ABR: variants seen among roughly 807,000 people sequenced by gnomAD.
The protein encoded by ABR is active breakpoint cluster region-related protein.
Under a neutral mutation model 107.2 loss-of-function variants are expected in ABR, and 35 were observed. The ratio of observed to expected loss-of-function variants is 0.33; its 90% CI spans 0.25 to 0.43. The LOEUF is 0.43. Among genes scored for constraint, ABR ranks in the 20% least tolerant of loss-of-function variants. ABR has a pLI of 1.00. For synonymous variants in ABR, 498 were observed against 462.0 expected (o/e 1.08, Z -1.00); for missense variants, 815 against 1,115.2 (o/e 0.73, Z 3.83).
intron 1 of ABR, among the ~76,000 whole-genome samples, chr17:1,203,302 C>A (rs1183431872): frequency 8.5e-6 from 1 of 117,922 alleles, no homozygotes; most frequent in Non-Finnish European, 1.8e-5. Flanking sequence ...GGGCGTGGCC[C>A]GGCTCGTGGG....
upstream of ABR, among the ~76,000 whole-genome samples, chr17:1,180,036 T>C (rs1204070528): frequency 6.2e-4 from 9 of 14,518 alleles, no homozygotes; most frequent in East Asian, 9.4e-3. Context: ...GGGGCTTTGG[T>C]GCGGGGGCGG....
At chr17:1,019,289 CCT>C (rs2071439344) in intron 16 of ABR, among the ~76,000 whole-genome samples, 2 of 152,188 alleles carry the variant, frequency 1.3e-5, no homozygotes, top group African/African-American at 2.4e-5. Flanking sequence ...AACTTTGGGT[CCT>C]CTCTGCCTTC....
intron 10 of ABR, among the ~76,000 whole-genome samples, chr17:1,062,055 C>G (rs936642252): frequency 6.6e-6 from 1 of 152,158 alleles, no homozygotes; most frequent in Non-Finnish European, 1.5e-5. Flanking sequence ...GCGTGGGTGT[C>G]AGAGAAGCTT....
At position 1,005,054 on chromosome 17, in the gene ABR, G is replaced by T; in HGVS notation, c.*1026C>A. 1 of 398,948 alleles carries T rather than the reference G, an allele frequency of 2.5e-6. No individual in the cohort carries two copies. Among genetic ancestry groups the T allele is most frequent in the Non-Finnish European group, 4.4e-6 (1 of 226,234 alleles). The allele number at this position is 398,948 out of a possible 1,614,324, so 24.7% of individuals were successfully genotyped here. A position where few individuals can be genotyped will look rare whatever the true frequency, so the allele number is the denominator to read the frequency against. On this transcript the variant is annotated 3_prime_UTR_variant, in exon 23 of 23. Transcript: ENST00000302538. ...AAAAGCCCCCACAACTTGCTCCTAA[G>T]AGCTGAGCTGCCTCCCCGCGACCCG...
In ABR at chr17:1,072,698, G is replaced by A. The variant is rs1245945471; in HGVS notation, c.810C>T (p.Ala270=). The change falls in exon 8 of 23, where the codon GCC becomes GCT. Residue 270 remains alanine, a synonymous_variant. Coordinates refer to ENST00000302538, the MANE Select transcript of ABR (RefSeq NM_021962.5). ...ACAGGAAGTTCTGGGAGATGCGGAG[G>A]GCATCCTGCAGCAGCGGGTAGTCGG... is the stretch of plus-strand genomic sequence containing the variant. ...DHPDYPLLQD[A]LRISQNFLSS... is the part of the protein sequence containing the mutation. 2 of 1,613,690 alleles carry A rather than the reference G, an allele frequency of 1.2e-6. No individual in the cohort carries two copies. Among genetic ancestry groups the A allele is most frequent in the African/African-American group, 1.3e-5 (1 of 74,928 alleles).
chr17:1,079,195 G>A (rs111288719), intron 6 of ABR, 135 bp downstream of exon 6: 40 of 1,480,620 alleles, frequency 2.7e-5, no homozygotes, highest in African/African-American at 1.4e-4. Flanking sequence ...ACTCACACGC[G>A]CTCACACACG....
chr17:1,025,534 G>A (rs1459727543), intron 16 of ABR, among the ~76,000 whole-genome samples: 5 of 152,138 alleles, frequency 3.3e-5, no homozygotes, highest in East Asian at 1.9e-4. Flanking sequence ...CCTGGCCGCC[G>A]TCCCCTGACC....
At chr17:1,130,580 C>G (rs2039782351) in intron 1 of ABR, among the ~76,000 whole-genome samples, 1 of 152,148 alleles carries the variant, frequency 6.6e-6, no homozygotes, top group Non-Finnish European at 1.5e-5. Flanking sequence ...CCTTCTAGCT[C>G]CCTGCGGTGG....
In ABR at chr17:1,047,482, C is replaced by T. The variant is rs546646895; in HGVS notation, c.1791+2568G>A. ...CGCCCCTGGGGCATGCCTCCCCCAC[C>T]AAAGGCAGGCTGGTGAGATGGTTCT... On this transcript the variant is annotated intron_variant, in intron 16 of 22. Coordinates refer to ENST00000302538, the MANE Select transcript of ABR (RefSeq NM_021962.5). 4.4e-4 allele frequency among the ~76,000 whole-genome samples: 67 copies of T among 152,318 alleles called. 1 individual carries two copies. Among genetic ancestry groups the T allele is most frequent in the African/African-American group, 1.6e-3 (66 of 41,572 alleles).
chr17:1,179,996 C>CGGGGAGGGGGT (rs2042070482), upstream of ABR: 1 of 30,908 alleles, frequency 3.2e-5, no homozygotes, highest in Non-Finnish European at 6.1e-5. The surrounding 1 kb of genome is among the most constrained non-coding windows in gnomAD (Gnocchi z 4.9). Flanking sequence ...TCGCGGGGGG[C>CGGGGAGGGGGT]GGGGCGGGGG....
intron 16 of ABR, chr17:1,031,938 TC>T: frequency 1.2e-6 from 1 of 815,966 alleles, no homozygotes; most frequent in East Asian, 5.4e-5. Context: ...CATCCCTCCT[TC>T]CCCGCCCTCC....
chr17:1,044,650 CAAAA>C (rs3031691), intron 16 of ABR, among the ~76,000 whole-genome samples: 1 of 144,694 alleles, frequency 6.9e-6, no homozygotes, highest in Non-Finnish European at 1.5e-5. Flanking sequence ...GACCCCATCT[CAAAA>C]AAAAAAAAAA....
At chr17:1,124,744 C>T (rs1188425579) in intron 2 of ABR, among the ~76,000 whole-genome samples, 1 of 152,206 alleles carries the variant, frequency 6.6e-6, no homozygotes, top group East Asian at 1.9e-4. Context: ...CTCATTGCAC[C>T]CACAGGGAGC....
chr17:1,223,202 C>CA (rs1032978002), intron 1 of ABR, among the ~76,000 whole-genome samples: 9 of 151,540 alleles, frequency 5.9e-5, no homozygotes, highest in Non-Finnish European at 1.3e-4. Flanking sequence ...TACTCCATCT[C>CA]AAAAAAATAA....
At chr17:1,104,747 T>C (rs1020711495) in intron 2 of ABR, among the ~76,000 whole-genome samples, 1 of 152,240 alleles carries the variant, frequency 6.6e-6, no homozygotes, top group Non-Finnish European at 1.5e-5. Context: ...TTCAGCTGCT[T>C]CCTTGGCAGA....
intron 1 of ABR, among the ~76,000 whole-genome samples, chr17:1,175,915 C>A (rs1046107281): frequency 6.6e-6 from 1 of 152,088 alleles, no homozygotes; most frequent in Non-Finnish European, 1.5e-5. Flanking sequence ...CACGGTGAAA[C>A]CCCGTCTCTA....
At chr17:1,060,163 C>A (rs756385912) in intron 10 of ABR, among the ~76,000 whole-genome samples, 32 of 152,316 alleles carry the variant, frequency 2.1e-4, no homozygotes, top group Non-Finnish European at 4.0e-4. Flanking sequence ...GTAATCCCAG[C>A]ACTTTGGGAG....
intron 2 of ABR, among the ~76,000 whole-genome samples, chr17:1,104,914 T>C (rs2165857): frequency 0.56 from 85,304 of 151,964 alleles, 24,534 homozygotes; most frequent in East Asian, 0.88. Context: ...TTTGAAACTT[T>C]GGTTGTTCAT....
chr17:1,204,895 CTTTTTCTTTT>C (rs1464202871), intron 1 of ABR, among the ~76,000 whole-genome samples: 3 of 70,320 alleles, frequency 4.3e-5, no homozygotes, highest in Non-Finnish European at 7.9e-5. Flanking sequence ...TTTTCTTTTT[CTTTTTCTTTT>C]TTTTTTTTTT....
Sources: gnomAD v4.1 joint callset for allele counts (sites outside exome capture counted in the v4.1 genomes callset) on GRCh38, gnomAD v4.1.1 for gene constraint, Gnocchi (gnomAD v3.1) non-coding constraint, MANE v1.5 for transcripts, NCBI Gene and HGNC (gene_info 2026-07-23, HGNC 2026-07-21) for gene names.